Variants in SPMIP11 observed in about 807,000 individuals in gnomAD.
The protein encoded by SPMIP11 is long intergenic non-protein coding RNA 935.
chr12:48,758,794 A>G, the SPMIP11 span, among the ~76,000 whole-genome samples: 1 of 152,250 alleles, frequency 6.6e-6, no homozygotes, highest in Admixed American at 6.5e-5. Context: ...TTCTACTGTA[A>G]CCTACCTCCT....
chr12:48,728,739 A>T, the SPMIP11 span, among the ~76,000 whole-genome samples: 1 of 149,694 alleles, frequency 6.7e-6, no homozygotes, highest in Non-Finnish European at 1.5e-5. Context: ...AAAGAAGGGG[A>T]TATAGCACAG....
the SPMIP11 span, among the ~76,000 whole-genome samples, chr12:48,755,822 T>C: frequency 6.6e-6 from 1 of 151,726 alleles, no homozygotes; most frequent in Non-Finnish European, 1.5e-5. Context: ...ATAACTATTC[T>C]CAGTCTAGAC....
the SPMIP11 span, among the ~76,000 whole-genome samples, chr12:48,728,754 A>G: frequency 6.6e-6 from 1 of 151,602 alleles, no homozygotes; most frequent in Non-Finnish European, 1.5e-5. Flanking sequence ...GCACAGACAA[A>G]GGAACAGAGA....
At chr12:48,770,841 C>T in the SPMIP11 span, 1 of 1,614,248 alleles carries the variant, frequency 6.2e-7, no homozygotes, top group Admixed American at 1.7e-5. Context: ...ATGGCGTAGT[C>T]AGCCAGGGCA....
At chr12:48,760,750 C>T in the SPMIP11 span, among the ~76,000 whole-genome samples, 1 of 152,100 alleles carries the variant, frequency 6.6e-6, no homozygotes, top group African/African-American at 2.4e-5. Flanking sequence ...TGGTCTCGAA[C>T]TCCTGATCTC....
chr12:48,735,840 T>C, the SPMIP11 span, among the ~76,000 whole-genome samples: 4 of 151,596 alleles, frequency 2.6e-5, no homozygotes, highest in South Asian at 4.2e-4. Flanking sequence ...GCCAAGATCA[T>C]GCCATTGCAC....
chr12:48,760,534 A>G, the SPMIP11 span, among the ~76,000 whole-genome samples: 2 of 147,280 alleles, frequency 1.4e-5, no homozygotes, highest in African/African-American at 2.5e-5. Context: ...GTTGTTTGTT[A>G]TTGTTGTTTT....
At chr12:48,731,806 A>G in the SPMIP11 span, among the ~76,000 whole-genome samples, 7 of 152,136 alleles carry the variant, frequency 4.6e-5, no homozygotes, top group Non-Finnish European at 8.8e-5. Flanking sequence ...TAGTCCAACT[A>G]CTATATGCAA....
At chr12:48,744,841 AAAG>A in the SPMIP11 span, among the ~76,000 whole-genome samples, 13 of 152,012 alleles carry the variant, frequency 8.6e-5, no homozygotes, top group Non-Finnish European at 1.3e-4. Context: ...AAGAAGAAAA[AAAG>A]AAGAAAGCAG....
the SPMIP11 span, among the ~76,000 whole-genome samples, chr12:48,756,006 C>T: frequency 6.6e-6 from 1 of 150,956 alleles, no homozygotes; most frequent in Non-Finnish European, 1.5e-5. Flanking sequence ...GCCTCCCAAG[C>T]AGCTGGGACT....
At chr12:48,757,653 T>A in the SPMIP11 span, among the ~76,000 whole-genome samples, 5,241 of 31,454 alleles carry the variant, frequency 0.17, 359 homozygotes, top group African/African-American at 0.32. Context: ...CTCAAAAAAA[T>A]AAAAATAAAA....
At chr12:48,751,187 C>T in the SPMIP11 span, among the ~76,000 whole-genome samples, 1 of 152,126 alleles carries the variant, frequency 6.6e-6, no homozygotes, top group Non-Finnish European at 1.5e-5. Flanking sequence ...AGAGGTGAGT[C>T]AACACGTGTA....
chr12:48,752,066 C>CAAA, the SPMIP11 span, among the ~76,000 whole-genome samples: 8 of 101,728 alleles, frequency 7.9e-5, no homozygotes, highest in African/African-American at 1.8e-4. Flanking sequence ...GACTCTGCCT[C>CAAA]AAAAAAAAAA....
At chr12:48,746,360 C>CTTTTTTTTTT in the SPMIP11 span, among the ~76,000 whole-genome samples, 7 of 101,234 alleles carry the variant, frequency 6.9e-5, no homozygotes, top group South Asian at 1.0e-3. Flanking sequence ...ACTATAATTC[C>CTTTTTTTTTT]TTTTTTTTTT....
At chr12:48,768,955 C>A in the SPMIP11 span, 1 of 1,613,750 alleles carries the variant, frequency 6.2e-7, no homozygotes, top group East Asian at 2.2e-5. Context: ...GGTCGGGGAC[C>A]CCCGTGCTGT....
the SPMIP11 span, among the ~76,000 whole-genome samples, chr12:48,754,614 C>T: frequency 6.6e-6 from 1 of 152,020 alleles, no homozygotes; most frequent in Non-Finnish European, 1.5e-5. Context: ...CCATGCCCGG[C>T]TAATTTTTTG....
At chr12:48,746,422 A>G in the SPMIP11 span, among the ~76,000 whole-genome samples, 1 of 134,178 alleles carries the variant, frequency 7.5e-6, no homozygotes, top group African/African-American at 2.9e-5. Context: ...GCTGGAGTGC[A>G]GTGGCACAAT....
At chr12:48,746,151 T>C in the SPMIP11 span, among the ~76,000 whole-genome samples, 1 of 152,072 alleles carries the variant, frequency 6.6e-6, no homozygotes, top group Admixed American at 6.6e-5. Flanking sequence ...GGCAATGCAA[T>C]AGAACAGAAG....
the SPMIP11 span, among the ~76,000 whole-genome samples, chr12:48,769,886 C>T: frequency 1.3e-5 from 2 of 151,666 alleles, no homozygotes; most frequent in African/African-American, 4.8e-5. Flanking sequence ...CTCAGCCTCC[C>T]GAGTAGCTGG....
Sources: gnomAD v4.1 joint callset for allele counts (sites outside exome capture counted in the v4.1 genomes callset) on GRCh38, gnomAD v4.1.1 for gene constraint, MANE v1.5 for transcripts, NCBI Gene and HGNC (gene_info 2026-07-23, HGNC 2026-07-21) for gene names.